Variants in IQUB observed in about 807,000 individuals in gnomAD.
IQUB encodes the protein IQ motif and ubiquitin-like domain-containing protein.
In IQUB, 86 loss-of-function variants were observed where a neutral mutation model predicts 86.4. The ratio of observed to expected loss-of-function variants is 1.00; its 90% confidence interval spans 0.84 to 1.19. IQUB has a LOEUF of 1.19. IQUB is among the 50% of genes most tolerant of loss of function. IQUB has a pLI of 0.00. For missense variants in IQUB, 946 were observed against 916.9 expected (o/e 1.03, Z -0.41); for synonymous variants, 289 against 304.5 (o/e 0.95, Z 0.53).
At chr7:123,525,160 C>T (rs1028776462) in intron 1 of IQUB, among the ~76,000 whole-genome samples, 21 of 152,188 alleles carry the variant, frequency 1.4e-4, no homozygotes, top group African/African-American at 4.6e-4. Flanking sequence ...GTCTAAAATT[C>T]TCTTTTTTGG....
intron 3 of IQUB, among the ~76,000 whole-genome samples, chr7:123,508,164 G>A (rs1203632599): frequency 6.6e-6 from 1 of 152,092 alleles, no homozygotes; most frequent in Non-Finnish European, 1.5e-5. Flanking sequence ...CTACAGTTCT[G>A]GCTTTTAAAA....
chr7:123,503,906 C>A (rs1796060214), intron 3 of IQUB, among the ~76,000 whole-genome samples: 1 of 151,908 alleles, frequency 6.6e-6, no homozygotes, highest in Admixed American at 6.6e-5. Flanking sequence ...ACTCTCAGTT[C>A]ATCAGGAATA....
Position 123,512,090 on chromosome 7 carries a change from GAT to G in IQUB, c.249_250del (p.Ser84ThrfsTer12). The G allele has an allele frequency of 6.2e-7, 1 of 1,614,034 alleles. No homozygotes were observed. The highest frequency in any genetic ancestry group is 2.2e-5 in the East Asian group (1 of 44,860). ...CGGAGTATATGAAACTTGTCTTGGTGATATAACCTCTTCCATGAGTTGTTCAT... is the reference window on the plus strand; with the variant it reads ...CGGAGTATATGAAACTTGTCTTGGTGATAACCTCTTCCATGAGTTGTTCAT... On this transcript the variant is annotated frameshift_variant, in exon 2 of 13. Coordinates refer to ENST00000324698, the MANE Select transcript of IQUB (RefSeq NM_178827.5). LOFTEE classifies it high-confidence loss of function.
At position 123,502,938 on chromosome 7, in the gene IQUB, C is replaced by T. The variant is rs1329089622; in HGVS notation, c.867+6G>A. On this transcript the variant is annotated splice_donor_region_variant and intron_variant, in intron 5 of 12. Transcript: ENST00000324698. ...AAAAACCTAAAGAGACAAATAAAAA[C>T]ATTACCTGCGTATCCCTACAAAATA... The T allele has an allele frequency of 1.9e-6, 3 of 1,600,370 alleles. No individual in the cohort carries two copies. Among genetic ancestry groups the T allele is most frequent in the Non-Finnish European group, 2.6e-6 (3 of 1,174,406 alleles).
chr7:123,485,742 A>G (rs1662172733), intron 7 of IQUB, among the ~76,000 whole-genome samples: 1 of 152,176 alleles, frequency 6.6e-6, no homozygotes, highest in South Asian at 2.1e-4. Flanking sequence ...GGCAGTTTTG[A>G]TGCATCTGCA....
intron 1 of IQUB, among the ~76,000 whole-genome samples, chr7:123,529,497 G>A (rs1054004057): frequency 2.0e-5 from 3 of 150,204 alleles, no homozygotes; most frequent in African/African-American, 7.3e-5. Flanking sequence ...TGTTTTAATA[G>A]GATAATTTAT....
intron 10 of IQUB, among the ~76,000 whole-genome samples, chr7:123,464,393 TA>T (rs1794148725): frequency 6.6e-6 from 1 of 151,918 alleles, no homozygotes; most frequent in Non-Finnish European, 1.5e-5. Context: ...CAACAAGGTA[TA>T]ACATGGAATC....
intron 1 of IQUB, among the ~76,000 whole-genome samples, chr7:123,523,747 C>T (rs1797030776): frequency 1.3e-5 from 2 of 152,090 alleles, no homozygotes; most frequent in Admixed American, 1.3e-4. Context: ...GTTGCCATTG[C>T]TTTTGGTGTT....
chr7:123,527,302 T>C (rs964302568), intron 1 of IQUB, among the ~76,000 whole-genome samples: 6 of 152,228 alleles, frequency 3.9e-5, no homozygotes, highest in African/African-American at 1.4e-4. Context: ...TCTGAAGCCT[T>C]CTTCTCTCAG....
At chr7:123,462,576 A>AAGGT (rs1444551764) in intron 10 of IQUB, 4 of 201,134 alleles carry the variant, frequency 2.0e-5, no homozygotes, top group South Asian at 1.6e-4. Flanking sequence ...GTAAATTTAA[A>AAGGT]AGGTAGTCAA....
At chr7:123,531,699 C>T (rs990385991) in intron 1 of IQUB, among the ~76,000 whole-genome samples, 1 of 152,158 alleles carries the variant, frequency 6.6e-6, no homozygotes, top group African/African-American at 2.4e-5. Flanking sequence ...AATGTATTAA[C>T]CTGCTGGTCA....
intron 1 of IQUB, among the ~76,000 whole-genome samples, chr7:123,524,136 G>A (rs1797058231): frequency 6.8e-6 from 1 of 147,650 alleles, no homozygotes; most frequent in Admixed American, 6.8e-5. Flanking sequence ...GTCAGGTAGT[G>A]TGATGCCTCC....
intron 1 of IQUB, among the ~76,000 whole-genome samples, chr7:123,525,807 T>C (rs1015318800): frequency 2.6e-5 from 4 of 151,894 alleles, no homozygotes; most frequent in Non-Finnish European, 5.9e-5. Context: ...ATGTCAATTT[T>C]GGATCTTTCC....
chr7:123,492,957 CA>C (rs1795537028), intron 7 of IQUB, among the ~76,000 whole-genome samples: 1 of 152,162 alleles, frequency 6.6e-6, no homozygotes, highest in South Asian at 2.1e-4. Flanking sequence ...TGCCCTGTTG[CA>C]GGCTCAATCT....
chr7:123,485,395 C>T (rs554218478), intron 7 of IQUB, among the ~76,000 whole-genome samples: 2 of 151,998 alleles, frequency 1.3e-5, no homozygotes, highest in Non-Finnish European at 2.9e-5. Flanking sequence ...CTTTAAAAGC[C>T]CTCTCCAAGT....
chr7:123,482,803 A>G (rs1795065190), intron 7 of IQUB, among the ~76,000 whole-genome samples: 1 of 152,104 alleles, frequency 6.6e-6, no homozygotes, highest in Non-Finnish European at 1.5e-5. Context: ...ATTCTTCATG[A>G]CTAAAGATTA....
At chr7:123,517,530 C>CA (rs374712007) in intron 1 of IQUB, among the ~76,000 whole-genome samples, 13,283 of 22,358 alleles carry the variant, frequency 0.59, 4,625 homozygotes, top group Non-Finnish European at 0.65. Flanking sequence ...GACTCCATCT[C>CA]AAAAAAAAAA....
At chr7:123,532,616 C>G (rs1311401579) in intron 1 of IQUB, 1 of 151,932 alleles carries the variant, frequency 6.6e-6, no homozygotes, top group Non-Finnish European at 1.5e-5. Context: ...ATGATTTTCC[C>G]CTTCTAAACG....
intron 10 of IQUB, among the ~76,000 whole-genome samples, chr7:123,463,322 A>AACTC (rs1222935719): frequency 6.6e-6 from 1 of 151,742 alleles, no homozygotes; most frequent in Non-Finnish European, 1.5e-5. Flanking sequence ...TTTACCCAAA[A>AACTC]ACTCATATCT....
Sources: gnomAD v4.1 joint callset for allele counts (sites outside exome capture counted in the v4.1 genomes callset) on GRCh38, gnomAD v4.1.1 for gene constraint, MANE v1.5 for transcripts, NCBI Gene and HGNC (gene_info 2026-07-23, HGNC 2026-07-21) for gene names.